Variants in CEP112 observed in about 807,000 individuals in gnomAD.
CEP112 encodes the protein centrosomal protein of 112 kDa.
A neutral mutation model predicts 153.0 loss-of-function variants in CEP112; 127 were observed. The ratio of observed to expected loss-of-function variants is 0.83; its 90% CI spans 0.72 to 0.96. The LOEUF (loss-of-function observed/expected upper bound fraction) is 0.96. CEP112 is among the 40% of genes least tolerant of loss of function. The pLI is 0.00. For synonymous variants in CEP112, 358 were observed against 374.4 expected, an observed-to-expected ratio of 0.96 and a Z score of 0.51; for missense variants, 1,089 against 1,101.2, an observed-to-expected ratio of 0.99 and a Z score of 0.16.
chr17:66,146,083 T>G (rs2070906557), intron 4 of CEP112, among the ~76,000 whole-genome samples: 1 of 152,092 alleles, frequency 6.6e-6, no homozygotes. Flanking sequence ...TCTGTTCTTG[T>G]AAGGTCTTTG....
At chr17:65,747,753 C>T (rs2051562562) in intron 22 of CEP112, among the ~76,000 whole-genome samples, 1 of 152,114 alleles carries the variant, frequency 6.6e-6, no homozygotes, top group African/African-American at 2.4e-5. Flanking sequence ...CTGCAGATCT[C>T]AGAACGGGGC....
rs572583659 is a variant in CEP112 at position 65,778,373 on chromosome 17, T to A, written c.2395-27649A>T. 1.5e-4 allele frequency among the ~76,000 whole-genome samples: 23 copies of A among 152,336 alleles called. No individual in the cohort carries two copies. The East Asian group carries it at 4.2e-3, about 28-fold the overall frequency. ...TCCCTCTGCCATAATCCTACCAATA[T>A]ACCATGACTAGTTCATATGCTAACA... On this transcript the variant is annotated intron_variant, in intron 21 of 26. Transcript: ENST00000535342.
rs1275203412 is a variant in CEP112 at position 65,944,261 on chromosome 17, A to G, written c.1873-16572T>C. On this transcript the variant is annotated intron_variant, in intron 18 of 26. Coordinates refer to ENST00000535342, the MANE Select transcript of CEP112 (RefSeq NM_001199165.4). ...GGGTTGAAAGGTGCAGTAAACCCCC[A>G]TGGCACATGTTTACCTATGTCACAC... 2.0e-5 allele frequency among the ~76,000 whole-genome samples: 3 copies of G among 152,326 alleles called. No homozygotes were observed. The East Asian group carries it at 5.8e-4, about 29-fold the overall frequency.
intron 12 of CEP112, among the ~76,000 whole-genome samples, chr17:66,037,812 C>G (rs1034883956): frequency 6.6e-6 from 1 of 152,014 alleles, no homozygotes; most frequent in South Asian, 2.1e-4. Context: ...ATACCTGAGG[C>G]CAAACTTTAC....
At chr17:65,862,272 G>A (rs531650344) in intron 20 of CEP112, among the ~76,000 whole-genome samples, 1 of 152,304 alleles carries the variant, frequency 6.6e-6, no homozygotes, top group African/African-American at 2.4e-5. Flanking sequence ...GAGCACACAG[G>A]TACAGGCAGC....
chr17:65,668,842 A>G (rs958033441), intron 24 of CEP112, among the ~76,000 whole-genome samples: 1 of 152,186 alleles, frequency 6.6e-6, no homozygotes, highest in Non-Finnish European at 1.5e-5. Context: ...AGCACCACAC[A>G]AAATTGGCAT....
At chr17:66,188,586 T>G (rs1197898671) in intron 1 of CEP112, among the ~76,000 whole-genome samples, 8 of 18,200 alleles carry the variant, frequency 4.4e-4, no homozygotes, top group Non-Finnish European at 2.1e-3. Context: ...ATCATGCTGT[T>G]TTTTTTTTTT....
rs1269689841 is a variant in CEP112 at position 65,786,571 on chromosome 17, TC to T, written c.2395-35848del. ...AAATGCTGTTTTGTCTTTAGCCAAT[TC>T]TTTTTTTTTTTTTTTTTTTTGCTGT... On this transcript the variant is annotated intron_variant, in intron 21 of 26. Transcript: ENST00000535342. Among the ~76,000 whole-genome samples, 11 of 144,388 alleles carry T rather than the reference TC, an allele frequency of 7.6e-5. No homozygotes were observed. In the East Asian group the frequency reaches 2.2e-3, roughly 29 times the overall value. The allele number at this position is 144,388 out of a possible 152,430, so 94.7% of individuals were successfully genotyped here.
chr17:66,093,560 A>G (rs964158244), intron 8 of CEP112, among the ~76,000 whole-genome samples: 2 of 151,946 alleles, frequency 1.3e-5, no homozygotes, highest in Non-Finnish European at 2.9e-5. Flanking sequence ...AAATCAAGAA[A>G]ACAATCCCTC....
intron 4 of CEP112, among the ~76,000 whole-genome samples, chr17:66,136,543 A>G (rs376666936): frequency 5.3e-5 from 8 of 152,104 alleles, no homozygotes; most frequent in East Asian, 1.9e-4. Context: ...AGAGAAAACT[A>G]AAGCATATAT....
intron 16 of CEP112, among the ~76,000 whole-genome samples, chr17:66,019,778 G>C (rs997216036): frequency 7.2e-5 from 11 of 152,196 alleles, no homozygotes; most frequent in African/African-American, 2.7e-4. Context: ...ATTTAGGTCT[G>C]CTCCTTGAAG....
At chr17:65,668,115 C>G (rs139662775) in intron 24 of CEP112, among the ~76,000 whole-genome samples, 2 of 152,090 alleles carry the variant, frequency 1.3e-5, no homozygotes, top group African/African-American at 4.8e-5. Context: ...AGGCTGGTCT[C>G]GAACTCCTGA....
chr17:65,781,210 T>C (rs2053977136), intron 21 of CEP112, among the ~76,000 whole-genome samples: 1 of 152,164 alleles, frequency 6.6e-6, no homozygotes, highest in Admixed American at 6.5e-5. Flanking sequence ...GTAGCATTTC[T>C]ATACACCAAT....
intron 21 of CEP112, among the ~76,000 whole-genome samples, chr17:65,827,158 C>T (rs2056874163): frequency 6.6e-6 from 1 of 152,210 alleles, no homozygotes; most frequent in Non-Finnish European, 1.5e-5. Flanking sequence ...AGGTCTTCAG[C>T]CACAGACTGA....
chr17:65,768,038 G>A (rs956373012), intron 21 of CEP112, among the ~76,000 whole-genome samples: 1 of 152,048 alleles, frequency 6.6e-6, no homozygotes, highest in East Asian at 1.9e-4. Flanking sequence ...GAGGTTAGTG[G>A]TGCTGACCAC....
Position 65,831,927 on chromosome 17 carries a change from C to G in CEP112, c.2394+19877G>C, listed in dbSNP as rs1261464867. Among the ~76,000 whole-genome samples the G allele has an allele frequency of 5.8e-5, 5 of 86,842 alleles. No homozygotes were observed. The East Asian group carries it at 2.3e-3, about 40-fold the overall frequency. The allele number at this position is 86,842 out of a possible 152,430, so 57.0% of individuals were successfully genotyped here. ...CACATAGAACATACTCTAAAATTGA[C>G]CACATAATTGGACAAAAAACAATCT... On this transcript the variant is annotated intron_variant, in intron 21 of 26. Transcript: ENST00000535342.
intron 11 of CEP112, among the ~76,000 whole-genome samples, chr17:66,055,273 T>G (rs1245952861): frequency 6.6e-6 from 1 of 152,218 alleles, no homozygotes; most frequent in South Asian, 2.1e-4. Flanking sequence ...ATAGGAAGAA[T>G]GAGGATGCTC....
chr17:65,897,591 A>C (rs2059700412), intron 20 of CEP112, among the ~76,000 whole-genome samples: 1 of 152,124 alleles, frequency 6.6e-6, no homozygotes, highest in Non-Finnish European at 1.5e-5. Flanking sequence ...ACAGTGATGA[A>C]ACAACTGTCC....
At chr17:65,750,753 C>T in intron 21 of CEP112, 29 bp from the exon 22 acceptor site, 1 of 1,605,704 alleles carries the variant, frequency 6.2e-7, no homozygotes, top group Non-Finnish European at 8.5e-7. Context: ...TGAACACATA[C>T]ACAGTGACCT....
Sources: gnomAD v4.1 joint callset for allele counts (sites outside exome capture counted in the v4.1 genomes callset) on GRCh38, gnomAD v4.1.1 for gene constraint, MANE v1.5 for transcripts, NCBI Gene and HGNC (gene_info 2026-07-23, HGNC 2026-07-21) for gene names.